The following CAB39 variants were observed in gnomAD, a reference collection of about 807,000 sequenced individuals.
CAB39 encodes the protein calcium binding protein 39, also known as calcium-binding protein 39.
Under a neutral mutation model 40.0 loss-of-function variants are expected in CAB39, and 8 were observed. The observed-to-expected ratio is 0.20, with a 90% CI of 0.12 to 0.36. The LOEUF (loss-of-function observed/expected upper bound fraction) is 0.36. Among genes scored for constraint, CAB39 ranks in the 10% least tolerant of loss-of-function variants. CAB39 has a pLI of 1.00. For synonymous variants in CAB39, 156 were observed against 141.6 expected (o/e 1.10, Z -0.72); for missense variants, 270 against 401.1 (o/e 0.67, Z 2.79).
At chr2:230,733,497 G>C (rs1486074778) in intron 1 of CAB39, among the ~76,000 whole-genome samples, 1 of 152,284 alleles carries the variant, frequency 6.6e-6, no homozygotes, top group African/African-American at 2.4e-5. Flanking sequence ...GCTATATGCT[G>C]TTAGCACTTC....
At chr2:230,810,912 G>A (rs1696292277) in intron 6 of CAB39, among the ~76,000 whole-genome samples, 2 of 152,206 alleles carry the variant, frequency 1.3e-5, no homozygotes, top group Admixed American at 1.3e-4. Flanking sequence ...CCAGAGATTT[G>A]TCAATGATTT....
At chr2:230,748,831 A>AAAAT (rs1386799920) in intron 1 of CAB39, among the ~76,000 whole-genome samples, 407 of 28,424 alleles carry the variant, frequency 0.014, 13 homozygotes, top group Non-Finnish European at 0.021. Flanking sequence ...AAAAAAAAAA[A>AAAAT]ATATATATAT....
intron 2 of CAB39, among the ~76,000 whole-genome samples, chr2:230,778,011 T>C (rs1156833520): frequency 6.6e-6 from 1 of 152,230 alleles, no homozygotes; most frequent in Non-Finnish European, 1.5e-5. Flanking sequence ...CTAAAAGCCT[T>C]TGCCTCTGAT....
At chr2:230,717,806 G>T (rs1344203899) in intron 1 of CAB39, among the ~76,000 whole-genome samples, 6 of 152,194 alleles carry the variant, frequency 3.9e-5, no homozygotes, top group African/African-American at 1.2e-4. Context: ...CAGAAGGGGT[G>T]AGGGGACAGC....
chr2:230,722,888 G>T (rs1325435452), intron 1 of CAB39, among the ~76,000 whole-genome samples: 1 of 152,214 alleles, frequency 6.6e-6, no homozygotes, highest in East Asian at 1.9e-4. Context: ...TAAAAATAGC[G>T]AAAAGGAGCC....
chr2:230,808,471 A>G (rs1272536089), intron 5 of CAB39, among the ~76,000 whole-genome samples: 6 of 152,234 alleles, frequency 3.9e-5, no homozygotes, highest in Admixed American at 2.6e-4. Context: ...TCCGTACTTG[A>G]TAACATTCCC....
At chr2:230,727,077 C>T (rs1043413831) in intron 1 of CAB39, among the ~76,000 whole-genome samples, 1 of 151,774 alleles carries the variant, frequency 6.6e-6, no homozygotes, top group South Asian at 2.1e-4. Context: ...AGAAAGTGAC[C>T]AAGTAACTGT....
At chr2:230,803,512 A>G (rs1696130623) in intron 5 of CAB39, among the ~76,000 whole-genome samples, 1 of 152,176 alleles carries the variant, frequency 6.6e-6, no homozygotes, top group South Asian at 2.1e-4. Context: ...AAACCCCATC[A>G]TCTCAGCCCA....
intron 2 of CAB39, among the ~76,000 whole-genome samples, chr2:230,764,338 C>G (rs1459333993): frequency 1.3e-5 from 2 of 152,118 alleles, no homozygotes; most frequent in Non-Finnish European, 2.9e-5. Flanking sequence ...AGGATTTTGC[C>G]CATGATAGGC....
At chr2:230,724,703 C>CA (rs60886023) in intron 1 of CAB39, among the ~76,000 whole-genome samples, 10,770 of 54,528 alleles carry the variant, frequency 0.2, 882 homozygotes, top group Non-Finnish European at 0.26. Context: ...ACACGCTCAC[C>CA]AAAAAAAAAA....
intron 1 of CAB39, among the ~76,000 whole-genome samples, chr2:230,720,086 C>A (rs1333992856): frequency 6.6e-6 from 1 of 152,184 alleles, no homozygotes; most frequent in Non-Finnish European, 1.5e-5. Context: ...CTTAGTAAGT[C>A]AGTCTATTTA....
intron 2 of CAB39, among the ~76,000 whole-genome samples, chr2:230,776,114 G>A (rs555034566): frequency 3.9e-5 from 6 of 152,150 alleles, no homozygotes; most frequent in African/African-American, 1.4e-4. Context: ...GACTTTAAGA[G>A]GTGGAGATAA....
In CAB39 at chr2:230,798,735, A is replaced by G; in HGVS notation, c.405A>G (p.Glu135=). ...NILFMLLKGY[E]SPEIALNCGI... ...TGGTTTTTTGTTTTTGCAGGTATGA[A>G]TCTCCAGAAATAGCTCTAAATTGTG... Residue 135 remains glutamate, a synonymous_variant, in exon 5 of 9, where the codon GAA becomes GAG. Transcript: ENST00000258418. 1 of 1,579,938 alleles carries G rather than the reference A, an allele frequency of 6.3e-7. No individual in the cohort carries two copies. The highest frequency in any genetic ancestry group is 8.6e-7 in the Non-Finnish European group (1 of 1,161,670).
At chr2:230,804,785 T>A (rs1015815615) in intron 5 of CAB39, among the ~76,000 whole-genome samples, 1 of 152,192 alleles carries the variant, frequency 6.6e-6, no homozygotes, top group Non-Finnish European at 1.5e-5. Flanking sequence ...AGGGACACTT[T>A]TACACTGTTG....
chr2:230,792,538 T>G (rs2124959040), intron 3 of CAB39, among the ~76,000 whole-genome samples: 1 of 152,332 alleles, frequency 6.6e-6, no homozygotes, highest in South Asian at 2.1e-4. Context: ...GTTCTCCATT[T>G]GTTGATTTCT....
intron 1 of CAB39, among the ~76,000 whole-genome samples, chr2:230,737,851 T>C (rs1050737145): frequency 6.6e-6 from 1 of 152,222 alleles, no homozygotes; most frequent in African/African-American, 2.4e-5. Flanking sequence ...TTTGACTATA[T>C]TATGATGTCA....
chr2:230,760,927 T>C (rs1238668139), intron 2 of CAB39, among the ~76,000 whole-genome samples: 1 of 152,266 alleles, frequency 6.6e-6, no homozygotes, highest in African/African-American at 2.4e-5. Flanking sequence ...ATCTCTGCTT[T>C]ACATTTTCAG....
At chr2:230,781,450 G>C (rs901405443) in intron 2 of CAB39, among the ~76,000 whole-genome samples, 1 of 152,184 alleles carries the variant, frequency 6.6e-6, no homozygotes, top group African/African-American at 2.4e-5. Context: ...TTTCTACAGT[G>C]CTCAGAAATT....
intron 3 of CAB39, among the ~76,000 whole-genome samples, chr2:230,791,504 C>CTTAG (rs1462182435): frequency 6.6e-6 from 1 of 152,162 alleles, no homozygotes; most frequent in Non-Finnish European, 1.5e-5. Context: ...GTTTTGTTTG[C>CTTAG]TTAGCACTGC....
Sources: gnomAD v4.1 joint callset for allele counts (sites outside exome capture counted in the v4.1 genomes callset) on GRCh38, gnomAD v4.1.1 for gene constraint, MANE v1.5 for transcripts, NCBI Gene and HGNC (gene_info 2026-07-23, HGNC 2026-07-21) for gene names.